CPA4: variants seen among roughly 807,000 people sequenced by gnomAD.
CPA4 encodes the protein carboxypeptidase A4, also known as carboxypeptidase A3.
A neutral mutation model predicts 54.7 loss-of-function variants in CPA4; 49 were observed. That is an observed-to-expected ratio of 0.90 (90% CI 0.71 to 1.14). CPA4 has a LOEUF of 1.14. CPA4 is among the 50% of genes most tolerant of loss of function. The probability of loss-of-function intolerance (pLI) is 0.00; values close to 1 mark genes in which losing one functional copy is unlikely to be tolerated. For missense variants in CPA4, 487 were observed against 525.1 expected (o/e 0.93, Z 0.71); for synonymous variants, 215 against 206.8 (o/e 1.04, Z -0.34).
At chr7:130,305,676 T>A in intron 5 of CPA4, 140 bp from the exon 6 acceptor site, 1 of 713,148 alleles carries the variant, frequency 1.4e-6, no homozygotes, top group Non-Finnish European at 2.4e-6. Flanking sequence ...ATAAGCTCGA[T>A]AAATAGATGG....
intron 10 of CPA4, among the ~76,000 whole-genome samples, chr7:130,321,729 T>G (rs1232636581): frequency 6.6e-6 from 1 of 152,110 alleles, no homozygotes; most frequent in Admixed American, 6.5e-5. Flanking sequence ...GGTTTCCCCT[T>G]ATAAAACCAT....
In CPA4 at chr7:130,293,255, TC is replaced by T. The variant is rs1323604221; in HGVS notation, c.68+9del. On this transcript the variant is annotated splice_region_variant and intron_variant, in intron 1 of 10. Coordinates refer to ENST00000222482, the MANE Select transcript of CPA4 (RefSeq NM_016352.4). ...GCCAAGAAAAATTTTTTGGGTAAGT[TC>T]CTTTTGGACTTATTATTTGGTTATT... 1 of 1,551,750 alleles carries T rather than the reference TC, an allele frequency of 6.4e-7. No individual in the cohort carries two copies. The highest frequency in any genetic ancestry group is 8.9e-7 in the Non-Finnish European group (1 of 1,123,520).
chr7:130,306,921 G>A (rs777240150), intron 7 of CPA4, 24 bp downstream of exon 7: 2 of 1,273,310 alleles, frequency 1.6e-6, no homozygotes, highest in Non-Finnish European at 2.3e-6. Context: ...AATGGGCTGG[G>A]CTTGCAGACT....
intron 3 of CPA4, 143 bp downstream of exon 3, chr7:130,299,547 C>T: frequency 1.4e-6 from 1 of 710,086 alleles, no homozygotes; most frequent in South Asian, 1.9e-5. Flanking sequence ...AAGTAAAGTG[C>T]AGTGACTTGT....
intron 4 of CPA4, 151 bp downstream of exon 4, chr7:130,301,065 G>C: frequency 1.6e-6 from 1 of 611,368 alleles, no homozygotes. Context: ...TCTAATTCTT[G>C]GATTGCTGAA....
At chr7:130,293,467 C>G in intron 1 of CPA4, 1 of 519,014 alleles carries the variant, frequency 1.9e-6, no homozygotes, top group East Asian at 3.6e-5. Flanking sequence ...CTCTCCCCAG[C>G]TCCCTCATCT....
chr7:130,301,479 C>A (rs1276625211), intron 4 of CPA4, among the ~76,000 whole-genome samples: 1 of 152,172 alleles, frequency 6.6e-6, no homozygotes, highest in East Asian at 1.9e-4. Flanking sequence ...GATACTGGGA[C>A]TTAAGAAATC....
In CPA4 at chr7:130,304,590, A is replaced by G. The variant is rs767937004; in HGVS notation, c.486+11A>G. 4 of 1,542,032 alleles carry G rather than the reference A, an allele frequency of 2.6e-6. No individual in the cohort carries two copies. In the South Asian group the frequency reaches 3.3e-5, roughly 13 times the overall value. ...ATGTATGTACTGAAGGTGAGGCCAC[A>G]TGCACTTGGAAGGGTCTCCTGGGTC... is the stretch of plus-strand genomic sequence containing the variant. On this transcript the variant is annotated intron_variant, in intron 5 of 10. Coordinates refer to ENST00000222482, the MANE Select transcript of CPA4 (RefSeq NM_016352.4).
intron 8 of CPA4, among the ~76,000 whole-genome samples, chr7:130,308,723 A>ATTTTTTTGTATTTTTTTTT (rs199996063): frequency 3.4e-5 from 5 of 145,182 alleles, no homozygotes; most frequent in Non-Finnish European, 7.4e-5. Context: ...ACGCCCGGCT[A>ATTTTTTTGTATTTTTTTTT]TTTTTTTTCA....
At chr7:130,300,776 C>G in intron 3 of CPA4, 40 bp from the exon 4 acceptor site, 1 of 1,412,288 alleles carries the variant, frequency 7.1e-7, no homozygotes, top group Admixed American at 1.7e-5. Context: ...AAACCTGCGT[C>G]TGCAATGGAT....
intron 1 of CPA4, chr7:130,293,658 A>C: frequency 5.0e-6 from 1 of 200,762 alleles, no homozygotes; most frequent in Non-Finnish European, 1.0e-5. Flanking sequence ...CATAAAGGGA[A>C]ACCCTGGGTC....
chr7:130,300,960 A>C (rs948541980), intron 4 of CPA4, 46 bp downstream of exon 4: 4 of 1,251,564 alleles, frequency 3.2e-6, no homozygotes, highest in Admixed American at 3.5e-5. Context: ...CTGCCTCCTG[A>C]ATTTTGTAAC....
At chr7:130,296,743 G>A (rs1793656443) in intron 1 of CPA4, among the ~76,000 whole-genome samples, 1 of 139,278 alleles carries the variant, frequency 7.2e-6, no homozygotes, top group Non-Finnish European at 1.5e-5. Flanking sequence ...CTGGAGTGCG[G>A]TGATGCAATC....
At chr7:130,306,718 G>T in intron 6 of CPA4, 69 bp from the exon 7 acceptor site, 3 of 901,550 alleles carry the variant, frequency 3.3e-6, no homozygotes, top group Non-Finnish European at 5.5e-6. Context: ...ATCTTGAGAA[G>T]ATACATGGTT....
At chr7:130,304,711 T>C (rs1793792057) in intron 5 of CPA4, 132 bp downstream of exon 5, 3 of 671,682 alleles carry the variant, frequency 4.5e-6, no homozygotes, top group Admixed American at 4.8e-5. Context: ...ACATTGTACC[T>C]GGGCTGGAAC....
chr7:130,313,125 A>G (rs1278058345), intron 10 of CPA4, among the ~76,000 whole-genome samples: 4 of 152,148 alleles, frequency 2.6e-5, no homozygotes, highest in East Asian at 1.9e-4. Context: ...CCTTCTTAGG[A>G]GGGCACGGAG....
chr7:130,304,525 G>A lies in CPA4; in HGVS notation c.432G>A (p.Ala144=), dbSNP rs200929919. Residue 144 remains alanine, a synonymous_variant, in exon 5 of 11, where the codon GCG becomes GCA. Transcript: ENST00000222482. ...TTGCCGCAGACTTTCCTGACCTGGC[G>A]AGGAGGGTGAAGATTGGACATTCGT... The part of the protein sequence containing the change: ...DNIAADFPDL[A]RRVKIGHSFE... 11 of 1,613,826 alleles carry A rather than the reference G, an allele frequency of 6.8e-6. No individual in the cohort carries two copies. The highest frequency in any genetic ancestry group is 1.6e-4 in the Middle Eastern group (1 of 6,062).
rs1241949147 is a variant in CPA4 at position 130,299,368 on chromosome 7, G to C, written c.249G>C (p.Gln83His). 3 of 1,613,982 alleles carry C rather than the reference G, an allele frequency of 1.9e-6. No individual in the cohort carries two copies. In the African/African-American group the frequency reaches 4.0e-5, roughly 22 times the overall value. ...CATTTAAATCCTTCCTGAGATCCCA[G>C]GGCTTAGAGTACGCAGTGACAATTG... ...LQAFKSFLRS[Q>H]GLEYAVTIED... The change falls in exon 3 of 11, where the codon CAG becomes CAC. Residue 83 changes from glutamine (Q) to histidine (H), a missense_variant. Coordinates refer to ENST00000222482, the MANE Select transcript of CPA4 (RefSeq NM_016352.4).
At chr7:130,316,385 AG>A (rs1443959700) in intron 10 of CPA4, among the ~76,000 whole-genome samples, 1 of 152,172 alleles carries the variant, frequency 6.6e-6, no homozygotes, top group Non-Finnish European at 1.5e-5. Context: ...TAGGGCTCTT[AG>A]GGCAACTAAT....
Sources: allele counts gnomAD v4.1 joint callset (sites outside exome capture counted in the v4.1 genomes callset), GRCh38; gene constraint gnomAD v4.1.1; transcripts MANE v1.5; gene names NCBI Gene and HGNC (gene_info 2026-07-23, HGNC 2026-07-21).